Variants in TNNI3 observed in about 807,000 individuals in gnomAD.
TNNI3 encodes troponin I3, cardiac type, also known as troponin I, cardiac muscle.
A neutral mutation model predicts 31.5 loss-of-function variants in TNNI3; 23 were observed. The ratio of observed to expected loss-of-function variants is 0.73; its 90% CI spans 0.52 to 1.03. The LOEUF is 1.03. Among genes scored for constraint, TNNI3 ranks in the 50% least tolerant of loss-of-function variants. The probability of loss-of-function intolerance (pLI) is 0.00; values close to 1 mark genes in which losing one functional copy is unlikely to be tolerated. For synonymous variants in TNNI3, 120 were observed against 111.7 expected, an observed-to-expected ratio of 1.07 and a Z score of -0.47; for missense variants, 236 against 282.9, an observed-to-expected ratio of 0.83 and a Z score of 1.19.
Position 55,154,419 on chromosome 19 carries a change from C to T in TNNI3, c.373-213G>A. 4.7e-6 allele frequency: 3 copies of T among 639,144 alleles called. No individual in the cohort carries two copies. In the Admixed American group the frequency reaches 7.5e-5, roughly 16 times the overall value. The allele number at this position is 639,144 out of a possible 1,614,324, so 39.6% of individuals were successfully genotyped here. A position where few individuals can be genotyped will look rare whatever the true frequency, so the allele number is the denominator to read the frequency against. On this transcript the variant is annotated intron_variant, in intron 6 of 7. Coordinates refer to ENST00000344887, the MANE Select transcript of TNNI3 (RefSeq NM_000363.5). ...CAGCCTCACCTCTCAAAACCACTGG[C>T]ATAACCTGGTCCAGCTACATGCAAA... is the stretch of plus-strand genomic sequence containing the variant.
Position 55,157,595 on chromosome 19 carries a change from G to C in TNNI3, c.-6C>G, listed in dbSNP as rs767890375. On this transcript the variant is annotated 5_prime_UTR_variant, in exon 1 of 8. Transcript: ENST00000344887. The surrounding 1 kb of genome is among the most constrained non-coding windows in gnomAD (Gnocchi z 6.3). ...ATCACTCACCCATCCGCCATGCTGA[G>C]ACTCAGGCCGGGAATGGCAGGAGGC... is the stretch of plus-strand genomic sequence containing the variant. 6.2e-7 allele frequency: 1 copy of C among 1,613,922 alleles called. No individual in the cohort carries two copies. The highest frequency in any genetic ancestry group is 8.5e-7 in the Non-Finnish European group (1 of 1,179,974).
Position 55,154,850 on chromosome 19 carries a change from T to C in TNNI3, c.283-20A>G. The C allele has an allele frequency of 6.2e-7, 1 of 1,613,200 alleles. No homozygotes were observed. The highest frequency in any genetic ancestry group is 8.5e-7 in the Non-Finnish European group (1 of 1,179,276). ...CAAGTCCTGGAGGAGGAACGTGGTGTGTGTTGTTGGGGGAACCAAAAACAG... is the reference window on the plus strand; with the variant it reads ...CAAGTCCTGGAGGAGGAACGTGGTGCGTGTTGTTGGGGGAACCAAAAACAG... On this transcript the variant is annotated intron_variant, in intron 5 of 7. Transcript: ENST00000344887.
In TNNI3 at chr19:55,157,721, C is replaced by T. The variant is rs1211260940; in HGVS notation, c.-132G>A. 1.0e-6 allele frequency: 1 copy of T among 955,828 alleles called. No homozygotes were observed. The highest frequency in any genetic ancestry group is 2.0e-5 in the Admixed American group (1 of 51,196). The allele number at this position is 955,828 out of a possible 1,614,324, so 59.2% of individuals were successfully genotyped here. Reference sequence around the variant, plus strand: ...GTCTCCTCCGGGCTGCTTGAGACTCCCCGAGGACACTGAGATAAAGGGCGA... The same window carrying T: ...GTCTCCTCCGGGCTGCTTGAGACTCTCCGAGGACACTGAGATAAAGGGCGA... On this transcript the variant is annotated 5_prime_UTR_variant, in exon 1 of 8. Transcript: ENST00000344887. This position sits in a 1 kb window ranked among gnomAD's most constrained non-coding sequence, Gnocchi z 6.3.
intron 5 of TNNI3, among the ~76,000 whole-genome samples, chr19:55,155,837 A>T (rs558288598): frequency 5.0e-5 from 4 of 80,708 alleles, no homozygotes; most frequent in Non-Finnish European, 7.1e-5. Context: ...CCTGGACTCC[A>T]GGGTCTGAGG....
chr19:55,157,416 C>A lies in TNNI3; in HGVS notation c.12-108G>T, dbSNP rs2085742235. 2 of 1,597,794 alleles carry A rather than the reference C, an allele frequency of 1.3e-6. No individual in the cohort carries two copies. The highest frequency in any genetic ancestry group is 1.1e-5 in the South Asian group (1 of 90,394). On this transcript the variant is annotated intron_variant, in intron 1 of 7. Coordinates refer to ENST00000344887, the MANE Select transcript of TNNI3 (RefSeq NM_000363.5). The surrounding 1 kb of genome is among the most constrained non-coding windows in gnomAD (Gnocchi z 6.3). ...AAGAGGTCGGGGGACCGCGCTTCCC[C>A]TTCCTTGGGTTCCAGGAGTCTGACT...
chr19:55,151,802 C>T lies in TNNI3; in HGVS notation c.*32G>A, dbSNP rs910940681. ...GAGAGAAGCTTTATTCCTCAGGGCC[C>T]TCCTCAGGGCAGGGGCAGTAGGCAG... On this transcript the variant is annotated 3_prime_UTR_variant, in exon 8 of 8. Transcript: ENST00000344887. 1.2e-6 allele frequency: 2 copies of T among 1,604,382 alleles called. No homozygotes were observed.
At chr19:55,151,966 G>A in intron 7 of TNNI3, 49 bp from the exon 8 acceptor site, 1 of 1,565,574 alleles carries the variant, frequency 6.4e-7, no homozygotes, top group Non-Finnish European at 8.8e-7. Flanking sequence ...TTGGTCTCCA[G>A]TCTCTCAAGA....
In TNNI3 at chr19:55,157,636, G is replaced by T. The variant is rs202159627; in HGVS notation, c.-47C>A. The T allele has an allele frequency of 1.2e-6, 2 of 1,613,298 alleles. No homozygotes were observed. The highest frequency in any genetic ancestry group is 1.7e-6 in the Non-Finnish European group (2 of 1,179,600). The stretch of plus-strand genomic sequence containing the variant: ...GGCAGGAGGCAGGGCGAGGACAGGG[G>T]CGTTTGGAGGGTCAGTGAGGGGGCC... On this transcript the variant is annotated 5_prime_UTR_variant, in exon 1 of 8. Coordinates refer to ENST00000344887, the MANE Select transcript of TNNI3 (RefSeq NM_000363.5). The surrounding 1 kb of genome is among the most constrained non-coding windows in gnomAD (Gnocchi z 6.3).
chr19:55,156,523 C>T lies in TNNI3; in HGVS notation c.150+80G>A. The T allele has an allele frequency of 3.9e-6, 6 of 1,538,080 alleles. No homozygotes were observed. In the South Asian group the frequency reaches 7.2e-5, roughly 18 times the overall value. ...CCAAACCCCGCCCACTTCCGCCCAC[C>T]TACCCCGAAAGCCCCACCCATTCTC... is the stretch of plus-strand genomic sequence containing the variant. On this transcript the variant is annotated intron_variant, in intron 4 of 7. Coordinates refer to ENST00000344887, the MANE Select transcript of TNNI3 (RefSeq NM_000363.5). The surrounding 1 kb of genome is among the most constrained non-coding windows in gnomAD (Gnocchi z 4.6).
At position 55,156,571 on chromosome 19, in the gene TNNI3, G is replaced by A. The variant is rs1452492020; in HGVS notation, c.150+32C>T. On this transcript the variant is annotated intron_variant, in intron 4 of 7. Coordinates refer to ENST00000344887, the MANE Select transcript of TNNI3 (RefSeq NM_000363.5). The surrounding 1 kb of genome is among the most constrained non-coding windows in gnomAD (Gnocchi z 4.6). ...CTCAAGCTCCGCCCCCTGAGCACCT[G>A]CCTGCTCTTTCCCAGTCCCGCCCGT... The A allele has an allele frequency of 1.9e-6, 3 of 1,554,078 alleles. No individual in the cohort carries two copies. The highest frequency in any genetic ancestry group is 2.4e-5 in the East Asian group (1 of 41,356).
chr19:55,156,565 GC>G lies in TNNI3; in HGVS notation c.150+37del. ...CCCATTCTCAAGCTCCGCCCCCTGA[GC>G]ACCTGCCTGCTCTTTCCCAGTCCCG... On this transcript the variant is annotated intron_variant, in intron 4 of 7. Transcript: ENST00000344887. The surrounding 1 kb of genome is among the most constrained non-coding windows in gnomAD (Gnocchi z 4.6). 6.4e-7 allele frequency: 1 copy of G among 1,553,820 alleles called. No individual in the cohort carries two copies. The highest frequency in any genetic ancestry group is 1.2e-5 in the South Asian group (1 of 84,434).
In TNNI3 at chr19:55,156,471, T is replaced by A. The variant is rs928325551; in HGVS notation, c.150+132A>T. On this transcript the variant is annotated intron_variant, in intron 4 of 7. Coordinates refer to ENST00000344887, the MANE Select transcript of TNNI3 (RefSeq NM_000363.5). The surrounding 1 kb of genome is among the most constrained non-coding windows in gnomAD (Gnocchi z 4.6). ...GGCCCCGTCCCACCCCGAGCAGTAC[T>A]CCCCGCTAAAGCCACGCCCCGAGCG... 1.3e-6 allele frequency: 2 copies of A among 1,498,914 alleles called. No homozygotes were observed. The highest frequency in any genetic ancestry group is 1.8e-6 in the Non-Finnish European group (2 of 1,107,098). 92.9% of individuals were successfully genotyped at this position (1,498,914 alleles called of 1,614,324 possible).
intron 7 of TNNI3, 75 bp downstream of exon 7, chr19:55,153,955 C>T (rs1316620307): frequency 3.2e-6 from 5 of 1,561,890 alleles, no homozygotes; most frequent in East Asian, 4.5e-5. Flanking sequence ...CACCATCTGC[C>T]CTCAGGCCTA....
chr19:55,156,517 G>A lies in TNNI3; in HGVS notation c.150+86C>T. 1.4e-6 allele frequency: 2 copies of A among 1,418,950 alleles called. No individual in the cohort carries two copies. Among genetic ancestry groups the A allele is most frequent in the South Asian group, 2.8e-5 (2 of 72,456 alleles). The allele number at this position is 1,418,950 out of a possible 1,614,324, so 87.9% of individuals were successfully genotyped here. A position where few individuals can be genotyped will look rare whatever the true frequency, so the allele number is the denominator to read the frequency against. ...GAGCGGCCAAACCCCGCCCACTTCC[G>A]CCCACCTACCCCGAAAGCCCCACCC... On this transcript the variant is annotated intron_variant, in intron 4 of 7. Transcript: ENST00000344887. The surrounding 1 kb of genome is among the most constrained non-coding windows in gnomAD (Gnocchi z 4.6).
chr19:55,154,397 C>A, intron 6 of TNNI3, 191 bp from the exon 7 acceptor site: 1 of 670,708 alleles, frequency 1.5e-6, no homozygotes, highest in Non-Finnish European at 2.6e-6. Context: ...TATGCTCCAG[C>A]CTCACCTCTC....
intron 7 of TNNI3, among the ~76,000 whole-genome samples, chr19:55,153,731 C>CAA (rs60013031): frequency 5.3e-5 from 1 of 19,042 alleles, no homozygotes; most frequent in African/African-American, 2.2e-4. Context: ...GACTCCATCG[C>CAA]AAAAAAAAAA....
intron 6 of TNNI3, chr19:55,154,492 C>T (rs1758759687): frequency 1.6e-6 from 1 of 626,376 alleles, no homozygotes; most frequent in South Asian, 1.9e-5. Context: ...ACATGTGATG[C>T]CCTGAGCATG....
Position 55,157,360 on chromosome 19 carries a change from T to G in TNNI3, c.12-52A>C. ...GGTTAGTGGTGGGCTGTGTCCTGTCTCCTAAGGGACCCCTGGAGTCCCCTC... is the reference window on the plus strand; with the variant it reads ...GGTTAGTGGTGGGCTGTGTCCTGTCGCCTAAGGGACCCCTGGAGTCCCCTC... On this transcript the variant is annotated intron_variant, in intron 1 of 7. Coordinates refer to ENST00000344887, the MANE Select transcript of TNNI3 (RefSeq NM_000363.5). This position sits in a 1 kb window ranked among gnomAD's most constrained non-coding sequence, Gnocchi z 6.3. 1 of 1,611,354 alleles carries G rather than the reference T, an allele frequency of 6.2e-7. No homozygotes were observed. Among genetic ancestry groups the G allele is most frequent in the Non-Finnish European group, 8.5e-7 (1 of 1,179,100 alleles).
In TNNI3 at chr19:55,152,525, T is replaced by G. The variant is rs186217904; in HGVS notation, c.550-608A>C. ...TCTCAGCACATAGGCACTGTCATTT[T>G]ACATCACAAGGAAAAGAAGGGTGAT... is the stretch of plus-strand genomic sequence containing the variant. On this transcript the variant is annotated intron_variant, in intron 7 of 7. Coordinates refer to ENST00000344887, the MANE Select transcript of TNNI3 (RefSeq NM_000363.5). This position sits in a 1 kb window ranked among gnomAD's most constrained non-coding sequence, Gnocchi z 4.0. 6.6e-6 allele frequency among the ~76,000 whole-genome samples: 1 copy of G among 152,374 alleles called. No individual in the cohort carries two copies. Among genetic ancestry groups the G allele is most frequent in the East Asian group, 1.9e-4 (1 of 5,196 alleles).
Sources: allele counts gnomAD v4.1 joint callset (sites outside exome capture counted in the v4.1 genomes callset), GRCh38; gene constraint gnomAD v4.1.1; non-coding constraint Gnocchi (gnomAD v3.1); transcripts MANE v1.5; gene names NCBI Gene and HGNC (gene_info 2026-07-23, HGNC 2026-07-21).